The following NUB1 variants were observed in gnomAD, a reference collection of about 807,000 sequenced individuals.
The protein encoded by NUB1 is negative regulator of ubiquitin like proteins 1, also known as NEDD8 ultimate buster 1.
In NUB1, 41 loss-of-function variants were observed where a neutral mutation model predicts 77.1. That is an observed-to-expected ratio of 0.53 (90% CI 0.41 to 0.69). The LOEUF is 0.69. Among genes scored for constraint, NUB1 ranks in the 30% least tolerant of loss-of-function variants. The probability of loss-of-function intolerance (pLI) is 0.00; values close to 1 mark genes in which losing one functional copy is unlikely to be tolerated. For missense variants in NUB1, 643 were observed against 743.8 expected (o/e 0.86, Z 1.58); for synonymous variants, 257 against 281.0 (o/e 0.91, Z 0.85).
intron 12 of NUB1, 36 bp downstream of exon 12, chr7:151,374,279 G>A: frequency 1.3e-6 from 2 of 1,549,446 alleles, no homozygotes; most frequent in Non-Finnish European, 1.7e-6. Flanking sequence ...CCTTGTCCCT[G>A]AGCAGTGGGT....
chr7:151,345,499 G>A (rs762954435), intron 2 of NUB1, 33 bp downstream of exon 2: 3 of 1,093,574 alleles, frequency 2.7e-6, no homozygotes, highest in South Asian at 1.4e-5. Context: ...ATAATTAGCA[G>A]CATTATAAAT....
intron 2 of NUB1, among the ~76,000 whole-genome samples, chr7:151,345,889 A>G (rs1258222979): frequency 6.6e-6 from 1 of 152,156 alleles, no homozygotes; most frequent in Non-Finnish European, 1.5e-5. Flanking sequence ...TCTCACTATC[A>G]GTGTTCATTT....
At chr7:151,346,706 A>G (rs111877317) in intron 2 of NUB1, among the ~76,000 whole-genome samples, 12 of 152,368 alleles carry the variant, frequency 7.9e-5, no homozygotes, top group African/African-American at 2.9e-4. Context: ...TTCTATGCTC[A>G]GGACCCTTCC....
intron 12 of NUB1, 95 bp from the exon 13 acceptor site, chr7:151,375,753 G>T (rs1016666903): frequency 2.0e-5 from 16 of 803,354 alleles, no homozygotes; most frequent in Non-Finnish European, 2.9e-5. Flanking sequence ...AGCAGAGGAC[G>T]GCGGGGTCTG....
Position 151,367,015 on chromosome 7 carries a change from C to T in NUB1, c.877C>T (p.Arg293Cys), listed in dbSNP as rs150532999. 4.3e-5 allele frequency: 69 copies of T among 1,613,758 alleles called. No individual in the cohort carries two copies. The Middle Eastern group carries it at 4.9e-4, about 12-fold the overall frequency. Residue 293 changes from arginine to cysteine, a missense_variant, in exon 9 of 15, where the codon CGC (arginine) becomes TGC (cysteine). Physicochemically the swap from Arg to Cys is radical, Grantham distance 180. Coordinates refer to ENST00000568733, the MANE Select transcript of NUB1 (RefSeq NM_001243351.2). ...LQLDIVWCYF[R>C]LEQLECLDDA... is the part of the protein sequence containing the mutation. Reference sequence around the variant, plus strand: ...GCTGGATATAGTGTGGTGTTACTTCCGCCTGGAACAGCTGGAATGCCTTGA... The same window carrying T: ...GCTGGATATAGTGTGGTGTTACTTCTGCCTGGAACAGCTGGAATGCCTTGA...
intron 8 of NUB1, chr7:151,360,491 A>G (rs1797323114): frequency 2.5e-6 from 1 of 394,020 alleles, no homozygotes; most frequent in Non-Finnish European, 4.5e-6. Flanking sequence ...TACATGTGCT[A>G]TGTTGCTAGT....
At chr7:151,366,883 G>A (rs1246234803) in intron 8 of NUB1, 56 bp from the exon 9 acceptor site, 1 of 1,428,974 alleles carries the variant, frequency 7.0e-7, no homozygotes, top group African/African-American at 1.4e-5. Context: ...GGTTTCAAAT[G>A]CTAAAAATGT....
chr7:151,377,154 G>A lies in NUB1; in HGVS notation c.1777G>A (p.Asp593Asn). 1 of 1,590,104 alleles carries A rather than the reference G, an allele frequency of 6.3e-7. No individual in the cohort carries two copies. The highest frequency in any genetic ancestry group is 8.6e-7 in the Non-Finnish European group (1 of 1,166,972). The change falls in exon 15 of 15, where the codon GAT becomes AAT. Residue 593 changes from aspartate to asparagine, a missense_variant. Physicochemically the swap from Asp to Asn is conservative, Grantham distance 23. Transcript: ENST00000568733. The part of the protein sequence containing the change: ...EEDYLDSTLE[D>N]EEIIIAEYLS... Reference sequence around the variant, plus strand: ...AGACTATCTTGACTCAACTCTGGAAGATGAAGAAATTATTATTGCAGAGTA... The same window carrying A: ...AGACTATCTTGACTCAACTCTGGAAAATGAAGAAATTATTATTGCAGAGTA...
chr7:151,366,934 T>C lies in NUB1; in HGVS notation c.801-5T>C. The C allele has an allele frequency of 4.4e-6, 7 of 1,582,100 alleles. No individual in the cohort carries two copies. Among genetic ancestry groups the C allele is most frequent in the Non-Finnish European group, 6.0e-6 (7 of 1,163,364 alleles). On this transcript the variant is annotated splice_polypyrimidine_tract_variant and splice_region_variant and intron_variant, in intron 8 of 14. Transcript: ENST00000568733. ...GCAGTGATGTCACTGTCCTTCTCTTTCCAGTGAGTGTTGCAGAGAGCTGCT... is the reference window on the plus strand; with the variant it reads ...GCAGTGATGTCACTGTCCTTCTCTTCCCAGTGAGTGTTGCAGAGAGCTGCT...
chr7:151,372,900 C>T lies in NUB1; in HGVS notation c.1249-1197C>T, dbSNP rs142107276. Among the ~76,000 whole-genome samples, 592 of 152,218 alleles carry T rather than the reference C, an allele frequency of 3.9e-3. 2 individuals carry two copies. Among genetic ancestry groups the T allele is most frequent in the Admixed American group, 8.0e-3 (123 of 15,296 alleles). ...AAAGGGAGCTGGCGCTGTGGGCACTCCAGGGCCACACCAGGAGGTTCTCCT... is the reference window on the plus strand; with the variant it reads ...AAAGGGAGCTGGCGCTGTGGGCACTTCAGGGCCACACCAGGAGGTTCTCCT... On this transcript the variant is annotated intron_variant, in intron 11 of 14. Transcript: ENST00000568733.
chr7:151,350,901 G>A (rs1002226994), intron 3 of NUB1, among the ~76,000 whole-genome samples: 1 of 152,188 alleles, frequency 6.6e-6, no homozygotes, highest in Non-Finnish European at 1.5e-5. Context: ...TTCATACGAT[G>A]GAAAACTGTT....
intron 8 of NUB1, among the ~76,000 whole-genome samples, chr7:151,363,447 A>G (rs1797481163): frequency 8.4e-6 from 1 of 118,664 alleles, no homozygotes; most frequent in African/African-American, 3.3e-5. Flanking sequence ...AAAACAGAGA[A>G]AAGGCTAAAA....
intron 11 of NUB1, among the ~76,000 whole-genome samples, chr7:151,371,421 C>T (rs1797954648): frequency 7.6e-6 from 1 of 132,184 alleles, no homozygotes; most frequent in Non-Finnish European, 1.5e-5. Flanking sequence ...AATCTGTGTC[C>T]CAGAATCCTC....
chr7:151,376,986 G>GT (rs1563034317), intron 14 of NUB1, 61 bp from the exon 15 acceptor site: 1 of 1,445,904 alleles, frequency 6.9e-7, no homozygotes, highest in African/African-American at 1.4e-5. Context: ...GACTGTGGTC[G>GT]TGCAGTGTCC....
intron 1 of NUB1, among the ~76,000 whole-genome samples, chr7:151,342,117 C>T (rs1024139664): frequency 6.6e-6 from 1 of 152,148 alleles, no homozygotes; most frequent in African/African-American, 2.4e-5. Flanking sequence ...TTGAGTGTAT[C>T]GGTTTGGGGA....
chr7:151,350,907 CTG>C (rs1475375762), intron 3 of NUB1, among the ~76,000 whole-genome samples: 1 of 152,166 alleles, frequency 6.6e-6, no homozygotes, highest in Non-Finnish European at 1.5e-5. Context: ...CGATGGAAAA[CTG>C]TTCACAATGC....
chr7:151,344,644 G>C (rs1469786138), intron 1 of NUB1, among the ~76,000 whole-genome samples: 1 of 151,820 alleles, frequency 6.6e-6, no homozygotes, highest in Non-Finnish European at 1.5e-5. Flanking sequence ...ATAGTTTACA[G>C]TTCAAGCAAG....
intron 8 of NUB1, among the ~76,000 whole-genome samples, chr7:151,364,228 T>C (rs1324718340): frequency 2.0e-5 from 3 of 150,734 alleles, no homozygotes; most frequent in Non-Finnish European, 4.4e-5. Flanking sequence ...CAGACCATCC[T>C]GGCTAACAGG....
At chr7:151,364,378 A>G (rs1338491092) in intron 8 of NUB1, among the ~76,000 whole-genome samples, 3 of 149,482 alleles carry the variant, frequency 2.0e-5, no homozygotes, top group South Asian at 2.2e-4. Context: ...CCGAGATTGC[A>G]CCACTGCACT....
Sources: allele counts gnomAD v4.1 joint callset (sites outside exome capture counted in the v4.1 genomes callset), GRCh38; gene constraint gnomAD v4.1.1; transcripts MANE v1.5; gene names NCBI Gene and HGNC (gene_info 2026-07-23, HGNC 2026-07-21).